The following KDM4C variants were observed in gnomAD, a reference collection of about 807,000 sequenced individuals.
The protein encoded by KDM4C is lysine demethylase 4C.
In KDM4C, 81 loss-of-function variants were observed where a neutral mutation model predicts 129.3. The ratio of observed to expected loss-of-function variants is 0.63; its 90% CI spans 0.52 to 0.75. The LOEUF (loss-of-function observed/expected upper bound fraction) is 0.75. KDM4C is among the 30% of genes least tolerant of loss of function. The pLI is 0.00. For missense variants in KDM4C, 1,457 were observed against 1,304.0 expected (o/e 1.12, Z -1.81); for synonymous variants, 573 against 456.1 (o/e 1.26, Z -3.26).
intron 7 of KDM4C, among the ~76,000 whole-genome samples, chr9:6,890,200 T>C (rs1026053780): frequency 6.6e-6 from 1 of 152,238 alleles, no homozygotes; most frequent in African/African-American, 2.4e-5. Flanking sequence ...TAGCACAGGC[T>C]GCAGGATTAA....
chr9:7,063,910 G>T (rs1484360877), intron 17 of KDM4C, among the ~76,000 whole-genome samples: 1 of 152,162 alleles, frequency 6.6e-6, no homozygotes, highest in Non-Finnish European at 1.5e-5. Flanking sequence ...GCATGAAGAG[G>T]GAGCTCTGAG....
At chr9:6,834,123 C>T (rs1835419890) in intron 4 of KDM4C, among the ~76,000 whole-genome samples, 1 of 146,684 alleles carries the variant, frequency 6.8e-6, no homozygotes, top group South Asian at 2.2e-4. Context: ...ACTGCAACCT[C>T]CGTCTTCTGG....
intron 19 of KDM4C, among the ~76,000 whole-genome samples, chr9:7,150,383 G>C (rs919017051): frequency 3.3e-5 from 5 of 152,166 alleles, no homozygotes; most frequent in Admixed American, 3.3e-4. Context: ...TGATGTCCTG[G>C]GAGGGCGGGT....
intron 5 of KDM4C, among the ~76,000 whole-genome samples, chr9:6,857,303 C>A (rs1273639017): frequency 6.6e-6 from 1 of 152,172 alleles, no homozygotes; most frequent in Non-Finnish European, 1.5e-5. Context: ...AACCCCAAAA[C>A]AGAAAAGATA....
intron 17 of KDM4C, among the ~76,000 whole-genome samples, chr9:7,098,538 T>C (rs1836712944): frequency 6.6e-6 from 1 of 152,206 alleles, no homozygotes; most frequent in Admixed American, 6.5e-5. Context: ...AAACAGGATT[T>C]GTTTTATCGT....
chr9:6,988,596 A>T (rs1401497083), intron 11 of KDM4C, among the ~76,000 whole-genome samples: 4 of 152,148 alleles, frequency 2.6e-5, no homozygotes, highest in Admixed American at 1.3e-4. Flanking sequence ...TGCTATGTGT[A>T]TGCTGATAGC....
chr9:6,729,411 C>T (rs1038537249), intron 1 of KDM4C, among the ~76,000 whole-genome samples: 3 of 127,720 alleles, frequency 2.3e-5, no homozygotes, highest in East Asian at 2.5e-4. Flanking sequence ...TGTGTTGGCA[C>T]GCTCCTGTTG....
At chr9:7,173,348 A>T (rs565870449) in intron 21 of KDM4C, among the ~76,000 whole-genome samples, 1 of 152,346 alleles carries the variant, frequency 6.6e-6, no homozygotes, top group South Asian at 2.1e-4. Flanking sequence ...CCTGCAACTG[A>T]TGCCGTCTGA....
At chr9:6,919,889 A>C (rs1259335745) in intron 8 of KDM4C, among the ~76,000 whole-genome samples, 1 of 151,974 alleles carries the variant, frequency 6.6e-6, no homozygotes, top group Non-Finnish European at 1.5e-5. Flanking sequence ...TTATTTTTCT[A>C]TTCTCTCTTT....
In KDM4C at chr9:6,950,532, A is replaced by C. The variant is rs1827947884; in HGVS notation, c.922-30393A>C. Among the ~76,000 whole-genome samples the C allele has an allele frequency of 2.0e-5, 3 of 152,196 alleles. No homozygotes were observed. In the South Asian group the frequency reaches 6.2e-4, roughly 32 times the overall value. On this transcript the variant is annotated intron_variant, in intron 8 of 21. Coordinates refer to ENST00000381309, the MANE Select transcript of KDM4C (RefSeq NM_015061.6). ...AGTTGTTAATATGGATCCCTACTAA[A>C]TTCAAAGCAAATTTAAGCTGCCTCA...
At chr9:6,982,222 T>A (rs1019242420) in intron 9 of KDM4C, 6 of 152,150 alleles carry the variant, frequency 3.9e-5, no homozygotes, top group Non-Finnish European at 8.8e-5. Context: ...CTGTCTTTTT[T>A]TTTTCCCTGA....
chr9:6,800,472 C>T (rs1186173809), intron 2 of KDM4C, among the ~76,000 whole-genome samples: 1 of 151,690 alleles, frequency 6.6e-6, no homozygotes, highest in Non-Finnish European at 1.5e-5. Context: ...CTGAGAGGTC[C>T]AGGCTGCTGT....
At chr9:6,773,923 T>C (rs1250622230) in intron 1 of KDM4C, among the ~76,000 whole-genome samples, 4 of 152,104 alleles carry the variant, frequency 2.6e-5, no homozygotes, top group Non-Finnish European at 4.4e-5. Flanking sequence ...TATTTATTTT[T>C]ATTATTTATT....
rs180800984 is a variant in KDM4C at position 6,847,505 on chromosome 9, C to T, written c.436-2002C>T. The stretch of plus-strand genomic sequence containing the variant: ...ACACCTCCCGGGGCCGTTCTCCTGC[C>T]TCAGCCTCCCGAGTGGCTGGGACTA... On this transcript the variant is annotated intron_variant, in intron 4 of 21. Transcript: ENST00000381309. Among the ~76,000 whole-genome samples, 52 of 152,234 alleles carry T rather than the reference C, an allele frequency of 3.4e-4. 1 individual carries two copies. The highest frequency in any genetic ancestry group is 2.5e-3 in the Admixed American group (38 of 15,294).
chr9:6,805,168 G>A (rs1308143349), intron 2 of KDM4C, among the ~76,000 whole-genome samples: 1 of 152,204 alleles, frequency 6.6e-6, no homozygotes, highest in African/African-American at 2.4e-5. Context: ...CAAAGTGCTG[G>A]AATTACAGGT....
At chr9:6,889,211 TTGTGTGTGTGTGTGTGTGTGTG>T (rs34443147) in intron 7 of KDM4C, among the ~76,000 whole-genome samples, 2 of 61,552 alleles carry the variant, frequency 3.2e-5, no homozygotes, top group African/African-American at 6.7e-5. Context: ...GGCCTTCTTT[TTGTGTGTGTGTGTGTGTGTGTG>T]TGTGTGTGTG....
chr9:6,744,248 G>A (rs960495092), intron 1 of KDM4C, among the ~76,000 whole-genome samples: 5 of 152,042 alleles, frequency 3.3e-5, no homozygotes, highest in African/African-American at 4.8e-5. Flanking sequence ...AACAGCTGCC[G>A]GGCACAGTGG....
chr9:7,008,424 A>G (rs974057816), intron 12 of KDM4C, among the ~76,000 whole-genome samples: 1 of 152,182 alleles, frequency 6.6e-6, no homozygotes, highest in Non-Finnish European at 1.5e-5. Context: ...CAGCATTTGC[A>G]GTCCCAGACT....
At chr9:7,037,840 A>G (rs1267026153) in intron 15 of KDM4C, among the ~76,000 whole-genome samples, 1 of 152,104 alleles carries the variant, frequency 6.6e-6, no homozygotes, top group Non-Finnish European at 1.5e-5. Context: ...TTTAGTATAT[A>G]TATTTTCTGT....
Sources: gnomAD v4.1 joint callset for allele counts (sites outside exome capture counted in the v4.1 genomes callset) on GRCh38, gnomAD v4.1.1 for gene constraint, MANE v1.5 for transcripts, NCBI Gene and HGNC (gene_info 2026-07-23, HGNC 2026-07-21) for gene names.